GPM6B: variants seen among roughly 807,000 people sequenced by gnomAD.
GPM6B encodes glycoprotein M6B, also known as neuronal membrane glycoprotein M6-b.
Under a neutral mutation model 27.2 loss-of-function variants are expected in GPM6B, and 4 were observed. The ratio of observed to expected loss-of-function variants is 0.15; its 90% CI spans 0.07 to 0.34. The LOEUF is 0.34. GPM6B is among the 10% of genes least tolerant of loss of function. The pLI is 1.00. For synonymous variants in GPM6B, 124 were observed against 103.1 expected (o/e 1.20, Z -1.23); for missense variants, 183 against 261.9 (o/e 0.70, Z 2.08).
At chrX:13,934,586 C>T (rs899053096) in intron 1 of GPM6B, among the ~76,000 whole-genome samples, 2 of 111,932 alleles carry the variant, frequency 1.8e-5, no homozygotes, top group African/African-American at 3.2e-5. Context: ...TGGAAGCATG[C>T]ACATCGAAGA....
At chrX:13,842,560 A>T (rs1461206483) in intron 1 of GPM6B, among the ~76,000 whole-genome samples, 1 of 110,777 alleles carries the variant, frequency 9.0e-6, no homozygotes, top group African/African-American at 3.3e-5. Flanking sequence ...TATTGACCTG[A>T]TCAAAGAACA....
At chrX:13,778,871 A>G (rs2048464090) in intron 5 of GPM6B, among the ~76,000 whole-genome samples, 1 of 112,367 alleles carries the variant, frequency 8.9e-6, no homozygotes, top group Non-Finnish European at 1.9e-5. Context: ...AGAAGAGGTT[A>G]GTCTGATAGG....
At chrX:13,816,266 C>T (rs1042328520) in intron 1 of GPM6B, among the ~76,000 whole-genome samples, 1 of 110,762 alleles carries the variant, frequency 9.0e-6, no homozygotes, top group African/African-American at 3.3e-5. Flanking sequence ...GAAGATCCCC[C>T]GCCCTGCCTT....
intron 1 of GPM6B, among the ~76,000 whole-genome samples, chrX:13,884,706 T>C (rs1450474511): frequency 1.8e-5 from 2 of 111,795 alleles, no homozygotes; most frequent in East Asian, 5.5e-4. Context: ...CTTGCCACAT[T>C]TTCCCCTGAG....
intron 2 of GPM6B, among the ~76,000 whole-genome samples, chrX:13,802,559 T>A (rs1407972926): frequency 5.5e-5 from 6 of 109,761 alleles, no homozygotes; most frequent in African/African-American, 2.0e-4. Context: ...ATTTTATATA[T>A]ATATATATAA....
intron 1 of GPM6B, among the ~76,000 whole-genome samples, chrX:13,885,015 T>C (rs2050121669): frequency 1.8e-5 from 2 of 111,722 alleles, no homozygotes; most frequent in Admixed American, 1.9e-4. Flanking sequence ...TTGTTGGGCA[T>C]CTCTATATAT....
chrX:13,783,258 C>T (rs777282630), intron 4 of GPM6B, 107 bp downstream of exon 4: 6 of 643,383 alleles, frequency 9.3e-6, no homozygotes, highest in Non-Finnish European at 1.4e-5. Context: ...GTCATGGACC[C>T]TCCATTCACG....
chrX:13,885,914 C>T (rs1038684301), intron 1 of GPM6B, among the ~76,000 whole-genome samples: 2 of 112,338 alleles, frequency 1.8e-5, no homozygotes, highest in Admixed American at 1.9e-4. Flanking sequence ...TAGTTTTTCA[C>T]TCCTACTGCT....
At chrX:13,853,740 G>A (rs905897499) in intron 1 of GPM6B, among the ~76,000 whole-genome samples, 2 of 111,065 alleles carry the variant, frequency 1.8e-5, no homozygotes, top group African/African-American at 6.6e-5. Context: ...ATGTGTGACA[G>A]TTCTGCCCAG....
chrX:13,771,384 AT>A lies in GPM6B; in HGVS notation c.*1496del, dbSNP rs1416612067. On this transcript the variant is annotated 3_prime_UTR_variant, in exon 8 of 8. Coordinates refer to ENST00000316715, the MANE Select transcript of GPM6B (RefSeq NM_001001995.3). ...TCTACACAGAAGAGAGCTTCTCTTA[AT>A]TTAAAAAAAAAAAAAAATCCCAAAT... 4 of 90,845 alleles carry A rather than the reference AT, an allele frequency of 4.4e-5. No homozygotes were observed. The highest frequency in any genetic ancestry group is 5.3e-3 in the Middle Eastern group (1 of 190). 7.5% of individuals were successfully genotyped at this position (90,845 alleles called of 1,213,427 possible).
chrX:13,923,965 T>C (rs1195061368), intron 1 of GPM6B, among the ~76,000 whole-genome samples: 2 of 112,391 alleles, frequency 1.8e-5, no homozygotes, highest in Non-Finnish European at 3.8e-5. Context: ...CCAAGGCTCC[T>C]CCCGGGCATT....
At chrX:13,830,056 A>G (rs2049420899) in intron 1 of GPM6B, among the ~76,000 whole-genome samples, 1 of 110,881 alleles carries the variant, frequency 9.0e-6, no homozygotes, top group African/African-American at 3.3e-5. Context: ...TGTGTTTTCA[A>G]GTGAAGTCCA....
intron 2 of GPM6B, among the ~76,000 whole-genome samples, chrX:13,789,144 G>A (rs1404410325): frequency 8.9e-6 from 1 of 112,123 alleles, no homozygotes; most frequent in Non-Finnish European, 1.9e-5. Context: ...ACAGCTGGAT[G>A]TAGAGCTTAT....
chrX:13,825,120 G>A (rs1603052170), intron 1 of GPM6B, among the ~76,000 whole-genome samples: 1 of 111,335 alleles, frequency 9.0e-6, no homozygotes, highest in African/African-American at 3.3e-5. Flanking sequence ...ATCTTAACTC[G>A]ATTATGCCTA....
At chrX:13,925,151 TCA>T (rs1274602005) in intron 1 of GPM6B, among the ~76,000 whole-genome samples, 8 of 111,263 alleles carry the variant, frequency 7.2e-5, no homozygotes, top group African/African-American at 2.6e-4. Flanking sequence ...TGGGACATAG[TCA>T]CAGAGTTACC....
At chrX:13,872,238 T>G (rs5935675) in intron 1 of GPM6B, among the ~76,000 whole-genome samples, 42,752 of 100,418 alleles carry the variant, frequency 0.43, 8,798 homozygotes, top group Non-Finnish European at 0.58. Context: ...GTGGCGTGAT[T>G]TTAGCTCACT....
intron 2 of GPM6B, among the ~76,000 whole-genome samples, chrX:13,800,760 A>G (rs2048906450): frequency 9.0e-6 from 1 of 111,650 alleles, no homozygotes; most frequent in African/African-American, 3.3e-5. Flanking sequence ...TTTACTGTGC[A>G]TTAGAATTGC....
chrX:13,855,399 T>A (rs975012891), intron 1 of GPM6B, among the ~76,000 whole-genome samples: 1 of 112,042 alleles, frequency 8.9e-6, no homozygotes, highest in African/African-American at 3.2e-5. Context: ...TTCTCTTTTG[T>A]GTCTGGCTTC....
intron 1 of GPM6B, among the ~76,000 whole-genome samples, chrX:13,872,336 A>AT (rs1249035206): frequency 1.0e-4 from 11 of 109,056 alleles, no homozygotes; most frequent in African/African-American, 3.7e-4. Flanking sequence ...ACACCGGGCT[A>AT]TTTTTTTATT....
Sources: allele counts gnomAD v4.1 joint callset (sites outside exome capture counted in the v4.1 genomes callset), GRCh38; gene constraint gnomAD v4.1.1; transcripts MANE v1.5; gene names NCBI Gene and HGNC (gene_info 2026-07-23, HGNC 2026-07-21).